Variants in RALYL observed in about 807,000 individuals in gnomAD.
RALYL encodes RNA-binding Raly-like protein.
In RALYL, 29 loss-of-function variants were observed where a neutral mutation model predicts 35.1. That is an observed-to-expected ratio of 0.83 (90% CI 0.61 to 1.13). The LOEUF is 1.13. Among genes scored for constraint, RALYL ranks in the 50% most tolerant of loss-of-function variants. RALYL has a pLI of 0.00. For synonymous variants in RALYL, 120 were observed against 127.6 expected (o/e 0.94, Z 0.40); for missense variants, 359 against 360.4 (o/e 1.00, Z 0.03).
At chr8:84,689,075 T>C (rs1263361815) in intron 2 of RALYL, among the ~76,000 whole-genome samples, 1 of 152,078 alleles carries the variant, frequency 6.6e-6, no homozygotes, top group Non-Finnish European at 1.5e-5. Flanking sequence ...TTTTTCTTTT[T>C]TTTTTTAAAT....
At chr8:84,813,517 C>A (rs999581606) in intron 4 of RALYL, among the ~76,000 whole-genome samples, 3 of 152,206 alleles carry the variant, frequency 2.0e-5, no homozygotes, top group African/African-American at 7.2e-5. Context: ...TTTATTACAT[C>A]AGTTGACATG....
At chr8:84,517,112 C>T (rs966077187) in intron 1 of RALYL, among the ~76,000 whole-genome samples, 6 of 152,142 alleles carry the variant, frequency 3.9e-5, no homozygotes, top group African/African-American at 1.4e-4. Flanking sequence ...TGGCCAAACA[C>T]TGTTACCTGA....
intron 2 of RALYL, among the ~76,000 whole-genome samples, chr8:84,749,051 A>G (rs1167428972): frequency 1.3e-5 from 2 of 152,164 alleles, no homozygotes; most frequent in Non-Finnish European, 2.9e-5. Flanking sequence ...TGAATTCCAC[A>G]TTAAGTTAAC....
At chr8:84,601,869 A>G (rs1282305317) in intron 2 of RALYL, among the ~76,000 whole-genome samples, 1 of 152,088 alleles carries the variant, frequency 6.6e-6, no homozygotes, top group Non-Finnish European at 1.5e-5. Flanking sequence ...CTCTTTTTCA[A>G]TATTTTAGCT....
chr8:84,209,039 A>G (rs1460756817), intron 1 of RALYL, among the ~76,000 whole-genome samples: 2 of 150,726 alleles, frequency 1.3e-5, no homozygotes, highest in African/African-American at 2.4e-5. Flanking sequence ...GGCTTTGTAT[A>G]TGTACACATG....
Position 84,448,311 on chromosome 8 carries a change from G to T in RALYL, c.-23-80988G>T, listed in dbSNP as rs572969474. ...TATGCACAAATACAAGCCATATAAC[G>T]TTGTGCCTGTGGTGGGCAGAGAGTT... is the stretch of plus-strand genomic sequence containing the variant. On this transcript the variant is annotated intron_variant, in intron 1 of 8. Transcript: ENST00000521268. Among the ~76,000 whole-genome samples, 4 of 152,136 alleles carry T rather than the reference G, an allele frequency of 2.6e-5. No homozygotes were observed. The East Asian group carries it at 7.8e-4, about 30-fold the overall frequency.
chr8:84,656,545 G>A (rs1420634025), intron 2 of RALYL, among the ~76,000 whole-genome samples: 2 of 152,080 alleles, frequency 1.3e-5, no homozygotes, highest in African/African-American at 2.4e-5. Context: ...CAGAGTTTCA[G>A]AATCCAGGTT....
intron 1 of RALYL, among the ~76,000 whole-genome samples, chr8:84,411,650 A>C (rs1006290594): frequency 2.0e-5 from 3 of 152,010 alleles, no homozygotes; most frequent in African/African-American, 7.2e-5. Context: ...AATATCAGGC[A>C]CTTAATAATA....
chr8:84,639,682 C>G (rs1241887242), intron 2 of RALYL, among the ~76,000 whole-genome samples: 2 of 151,858 alleles, frequency 1.3e-5, no homozygotes, highest in African/African-American at 4.8e-5. Context: ...TGTCCCATAT[C>G]AATGCTGAGG....
At chr8:84,430,141 G>T (rs1188784110) in intron 1 of RALYL, among the ~76,000 whole-genome samples, 1 of 151,912 alleles carries the variant, frequency 6.6e-6, no homozygotes, top group Non-Finnish European at 1.5e-5. Flanking sequence ...CAACTTGCTA[G>T]TTATATTAAT....
chr8:84,725,760 A>G (rs1422562554), intron 2 of RALYL, among the ~76,000 whole-genome samples: 1 of 151,806 alleles, frequency 6.6e-6, no homozygotes, highest in East Asian at 1.9e-4. Context: ...TGAATAATAC[A>G]GATTCCTATA....
chr8:84,524,893 G>A (rs2058754430), intron 1 of RALYL, among the ~76,000 whole-genome samples: 1 of 151,516 alleles, frequency 6.6e-6, no homozygotes, highest in Non-Finnish European at 1.5e-5. Context: ...TAAGTTTTCA[G>A]GACCAAAAAC....
chr8:84,399,679 C>G (rs998905961), intron 1 of RALYL, among the ~76,000 whole-genome samples: 6 of 152,120 alleles, frequency 3.9e-5, no homozygotes, highest in Non-Finnish European at 8.8e-5. Flanking sequence ...GCAATGGAAA[C>G]ATGCAGAGAA....
intron 1 of RALYL, among the ~76,000 whole-genome samples, chr8:84,443,661 G>A (rs879417935): frequency 6.6e-6 from 1 of 152,096 alleles, no homozygotes; most frequent in Admixed American, 6.6e-5. Flanking sequence ...AGGCATGAGG[G>A]CGCTAAGTGA....
intron 1 of RALYL, among the ~76,000 whole-genome samples, chr8:84,527,104 A>G (rs746559578): frequency 6.6e-6 from 1 of 152,216 alleles, no homozygotes; most frequent in Non-Finnish European, 1.5e-5. Flanking sequence ...ACTACAACAA[A>G]ACTTACTCTT....
At chr8:84,323,869 G>C (rs1208187445) in intron 1 of RALYL, among the ~76,000 whole-genome samples, 1 of 152,088 alleles carries the variant, frequency 6.6e-6, no homozygotes, top group East Asian at 1.9e-4. Flanking sequence ...ACTCAGTGCA[G>C]AAATTGTTCT....
intron 1 of RALYL, among the ~76,000 whole-genome samples, chr8:84,515,818 G>C (rs938407912): frequency 6.6e-6 from 1 of 152,048 alleles, no homozygotes; most frequent in Non-Finnish European, 1.5e-5. Context: ...TTTTACAAAT[G>C]TTAACCTACC....
intron 1 of RALYL, among the ~76,000 whole-genome samples, chr8:84,510,530 G>A (rs1478012177): frequency 1.3e-5 from 2 of 152,136 alleles, no homozygotes; most frequent in Non-Finnish European, 2.9e-5. Flanking sequence ...ACCAGCTTCA[G>A]CCAGGCACGG....
chr8:84,711,658 A>G (rs571764565), intron 2 of RALYL, among the ~76,000 whole-genome samples: 8 of 152,160 alleles, frequency 5.3e-5, no homozygotes, highest in Non-Finnish European at 8.8e-5. Flanking sequence ...GCCAGTCTCA[A>G]TTGATGTGTA....
Sources: allele counts gnomAD v4.1 joint callset (sites outside exome capture counted in the v4.1 genomes callset), GRCh38; gene constraint gnomAD v4.1.1; transcripts MANE v1.5; gene names NCBI Gene and HGNC (gene_info 2026-07-23, HGNC 2026-07-21).